The following OLA1 variants were observed in gnomAD, a reference collection of about 807,000 sequenced individuals.
OLA1 encodes the protein Obg like ATPase 1, also known as obg-like ATPase 1.
OLA1 carries 14 observed loss-of-function variants against 48.4 expected under a neutral mutation model. The ratio of observed to expected loss-of-function variants is 0.29; its 90% CI spans 0.19 to 0.45. The LOEUF (loss-of-function observed/expected upper bound fraction) is 0.45, where lower values mean the gene tolerates loss of function less well. Among genes scored for constraint, OLA1 ranks in the 20% least tolerant of loss-of-function variants. The pLI, the probability that OLA1 is intolerant of heterozygous loss-of-function variation, is 1.00. For synonymous variants in OLA1, 127 were observed against 150.4 expected (o/e 0.84, Z 1.14); for missense variants, 325 against 467.1 (o/e 0.70, Z 2.80).
chr2:174,140,987 A>G (rs1686433493), intron 5 of OLA1, among the ~76,000 whole-genome samples: 1 of 152,096 alleles, frequency 6.6e-6, no homozygotes, highest in South Asian at 2.1e-4. Context: ...GCTGGAGTGC[A>G]ATGGCACGAT....
intron 7 of OLA1, among the ~76,000 whole-genome samples, chr2:174,091,423 G>A (rs1685111374): frequency 6.6e-6 from 1 of 152,082 alleles, no homozygotes; most frequent in Non-Finnish European, 1.5e-5. Context: ...GTCATCATCT[G>A]TTTTATCTGT....
chr2:174,072,617 A>G lies in OLA1; in HGVS notation c.*2809T>C, dbSNP rs1684624762. On this transcript the variant is annotated 3_prime_UTR_variant, in exon 11 of 11. Transcript: ENST00000284719. ...GAATTTAAGTAGACTAATCAGAACA[A>G]TAGAAGAGGCAGGAGGAGGAGATAC... is the stretch of plus-strand genomic sequence containing the variant. 6.6e-6 allele frequency: 1 copy of G among 152,234 alleles called. No homozygotes were observed. The highest frequency in any genetic ancestry group is 2.1e-4 in the South Asian group (1 of 4,836). 9.4% of individuals were successfully genotyped at this position (152,234 alleles called of 1,614,324 possible). A position where few individuals can be genotyped will look rare whatever the true frequency, so the allele number is the denominator to read the frequency against.
chr2:174,078,645 A>C (rs931588663), intron 10 of OLA1, among the ~76,000 whole-genome samples: 1 of 151,962 alleles, frequency 6.6e-6, no homozygotes, highest in Admixed American at 6.6e-5. Flanking sequence ...TTCAAATGTA[A>C]TAAGTACAAT....
At chr2:174,185,128 C>T (rs559347496) in intron 4 of OLA1, among the ~76,000 whole-genome samples, 200 of 152,246 alleles carry the variant, frequency 1.3e-3, no homozygotes, top group Non-Finnish European at 2.1e-3. Flanking sequence ...TGGCTCTGCT[C>T]TTCACTAAGG....
intron 4 of OLA1, among the ~76,000 whole-genome samples, chr2:174,164,544 C>G (rs13420074): frequency 0.1 from 15,498 of 151,902 alleles, 1,122 homozygotes; most frequent in African/African-American, 0.2. Context: ...TGTTTTAAAC[C>G]AGTATTATGA....
At chr2:174,213,189 A>C (rs946924208) in intron 4 of OLA1, among the ~76,000 whole-genome samples, 2 of 152,182 alleles carry the variant, frequency 1.3e-5, no homozygotes, top group African/African-American at 2.4e-5. Flanking sequence ...CTAATTATAT[A>C]CCAGTCCCAT....
rs557359573 is a variant in OLA1 at position 174,136,461 on chromosome 2, C to T, written c.549+5364G>A. ...CACCCATAACAGGCAACTTCTCATC[C>T]ATTCAAGTTTTATCATGAGATTACA... On this transcript the variant is annotated intron_variant, in intron 5 of 10. Coordinates refer to ENST00000284719, the MANE Select transcript of OLA1 (RefSeq NM_013341.5). Among the ~76,000 whole-genome samples the T allele has an allele frequency of 5.9e-5, 9 of 152,272 alleles. No individual in the cohort carries two copies. In the South Asian group the frequency reaches 1.9e-3, roughly 32 times the overall value.
intron 4 of OLA1, among the ~76,000 whole-genome samples, chr2:174,174,014 A>G (rs1404971885): frequency 2.0e-5 from 2 of 98,794 alleles, no homozygotes; most frequent in Non-Finnish European, 3.9e-5. Context: ...CTTCCCATAC[A>G]TACACACACA....
At chr2:174,137,951 C>T (rs533012052) in intron 5 of OLA1, among the ~76,000 whole-genome samples, 6 of 152,296 alleles carry the variant, frequency 3.9e-5, no homozygotes, top group Admixed American at 3.9e-4. Flanking sequence ...CACTTAAGCC[C>T]AGGGGTTTGG....
intron 5 of OLA1, among the ~76,000 whole-genome samples, chr2:174,132,544 T>A (rs995561443): frequency 6.6e-6 from 1 of 152,172 alleles, no homozygotes; most frequent in African/African-American, 2.4e-5. Context: ...GTATATTGCA[T>A]GTTTATTATC....
chr2:174,228,304 T>C (rs1029569968), intron 3 of OLA1, among the ~76,000 whole-genome samples: 3 of 152,188 alleles, frequency 2.0e-5, no homozygotes, highest in African/African-American at 7.2e-5. Context: ...TCATATAATA[T>C]AGCAATAAAT....
intron 9 of OLA1, 134 bp from the exon 10 acceptor site, chr2:174,079,224 A>C (rs1168291067): frequency 3.2e-6 from 2 of 630,956 alleles, no homozygotes; most frequent in African/African-American, 3.8e-5. Context: ...TCAGGTATAT[A>C]ATTAGTACAT....
intron 7 of OLA1, among the ~76,000 whole-genome samples, chr2:174,083,316 A>G (rs1684897950): frequency 6.6e-6 from 1 of 152,134 alleles, no homozygotes; most frequent in Non-Finnish European, 1.5e-5. Context: ...ATGGCAGGGG[A>G]GCAGAGTTAT....
chr2:174,237,835 CATAATTGTATA>C (rs1688894356), intron 2 of OLA1, among the ~76,000 whole-genome samples: 1 of 152,184 alleles, frequency 6.6e-6, no homozygotes, highest in Admixed American at 6.5e-5. Context: ...ACGTACTGTA[CATAATTGTATA>C]TGCTATACTT....
At chr2:174,103,178 T>C (rs1440420034) in intron 7 of OLA1, among the ~76,000 whole-genome samples, 2 of 144,330 alleles carry the variant, frequency 1.4e-5, no homozygotes, top group African/African-American at 5.2e-5. Context: ...TATATAATCA[T>C]GTGTACATGT....
intron 7 of OLA1, among the ~76,000 whole-genome samples, chr2:174,083,565 A>G (rs1204061594): frequency 6.6e-6 from 1 of 152,080 alleles, no homozygotes; most frequent in Non-Finnish European, 1.5e-5. Flanking sequence ...TGTTTTCTTA[A>G]CCAAAATTAA....
chr2:174,161,725 TAGAC>T (rs1687018859), intron 4 of OLA1, among the ~76,000 whole-genome samples: 2 of 147,570 alleles, frequency 1.4e-5, no homozygotes, highest in Non-Finnish European at 1.5e-5. Context: ...CATAGATAGA[TAGAC>T]ACACATACAT....
intron 4 of OLA1, among the ~76,000 whole-genome samples, chr2:174,156,896 T>A (rs1366932310): frequency 6.6e-6 from 1 of 151,944 alleles, no homozygotes; most frequent in Non-Finnish European, 1.5e-5. Context: ...GCTACCACAC[T>A]CTTTAAATGA....
intron 7 of OLA1, among the ~76,000 whole-genome samples, chr2:174,110,377 C>A (rs576085861): frequency 7.3e-6 from 1 of 137,618 alleles, no homozygotes; most frequent in Non-Finnish European, 1.5e-5. Context: ...GTCTTGAATT[C>A]CTGGTCTCAA....
Sources: allele counts gnomAD v4.1 joint callset (sites outside exome capture counted in the v4.1 genomes callset), GRCh38; gene constraint gnomAD v4.1.1; transcripts MANE v1.5; gene names NCBI Gene and HGNC (gene_info 2026-07-23, HGNC 2026-07-21).